APOO: variants seen among roughly 807,000 people sequenced by gnomAD.
APOO encodes the protein apolipoprotein O.
APOO carries 11 observed loss-of-function variants against 23.1 expected under a neutral mutation model. The observed-to-expected ratio is 0.48, with a 90% CI of 0.30 to 0.79. APOO has a LOEUF of 0.79. Ranked by LOEUF, APOO falls within the 30% of genes least tolerant of loss-of-function variation. APOO has a pLI of 0.07. For synonymous variants in APOO, 59 were observed against 54.8 expected (o/e 1.08, Z -0.34); for missense variants, 160 against 142.7 (o/e 1.12, Z -0.62).
chrX:23,879,158 G>A, intron 2 of APOO, 124 bp from the exon 3 acceptor site: 9 of 860,144 alleles, frequency 1.0e-5, no homozygotes, highest in Admixed American at 3.5e-5. Flanking sequence ...CTCTGTGGTC[G>A]GGTGTGGTGG....
intron 1 of APOO, 39 bp downstream of exon 1, chrX:23,907,655 G>A (rs1315836227): frequency 8.7e-7 from 1 of 1,148,546 alleles, no homozygotes; most frequent in Admixed American, 2.7e-5. Context: ...GCGGCCGGGA[G>A]GGGGCGGTGA....
chrX:23,907,573 T>C (rs1927421878), intron 1 of APOO, 121 bp downstream of exon 1: 6 of 767,258 alleles, frequency 7.8e-6, no homozygotes, highest in African/African-American at 2.2e-5. Flanking sequence ...GCCGGCCCAG[T>C]GGCGGGAAAA....
chrX:23,881,085 A>C (rs1926102143), intron 1 of APOO, 133 bp from the exon 2 acceptor site: 4 of 335,331 alleles, frequency 1.2e-5, no homozygotes, highest in Non-Finnish European at 1.9e-5. Flanking sequence ...ATTTATTTTT[A>C]TGTTTTCAAG....
intron 7 of APOO, chrX:23,840,858 T>C (rs1923935518): frequency 1.8e-5 from 2 of 111,783 alleles, no homozygotes; most frequent in African/African-American, 6.5e-5. Context: ...TAGGGGCCAA[T>C]CCACAAAACA....
At chrX:23,864,582 G>C (rs745543693) in intron 5 of APOO, among the ~76,000 whole-genome samples, 41 of 111,989 alleles carry the variant, frequency 3.7e-4, no homozygotes, top group Admixed American at 1.9e-4. Flanking sequence ...GATTACAGGT[G>C]TGAGCCACTG....
intron 4 of APOO, among the ~76,000 whole-genome samples, chrX:23,871,858 T>G (rs16982833): frequency 0.015 from 1,681 of 111,978 alleles, 30 homozygotes; most frequent in African/African-American, 0.051. Context: ...TCAGCAATTC[T>G]GTCCCCTAAG....
chrX:23,900,324 A>C (rs1351162991), intron 1 of APOO, among the ~76,000 whole-genome samples: 1 of 111,514 alleles, frequency 9.0e-6, no homozygotes, highest in Non-Finnish European at 1.9e-5. Context: ...TGTGAGATAC[A>C]GAGGGACATA....
chrX:23,892,486 T>C (rs1452809537), intron 1 of APOO, among the ~76,000 whole-genome samples: 1 of 110,405 alleles, frequency 9.1e-6, no homozygotes, highest in Non-Finnish European at 1.9e-5. Flanking sequence ...TCAAACTCCT[T>C]ACCTCAGGTG....
intron 1 of APOO, chrX:23,883,803 G>A (rs1250532635): frequency 8.9e-6 from 1 of 111,736 alleles, no homozygotes; most frequent in African/African-American, 3.2e-5. Context: ...CACTCCCCAC[G>A]ACCTGCCCAT....
chrX:23,841,077 G>A (rs1431309259), intron 7 of APOO, among the ~76,000 whole-genome samples: 1 of 112,079 alleles, frequency 8.9e-6, no homozygotes, highest in African/African-American at 3.2e-5. Flanking sequence ...GAGATCAGAT[G>A]GCAGTCTGAA....
chrX:23,881,563 T>TAAAAAAAAAAA (rs60466764), intron 1 of APOO, among the ~76,000 whole-genome samples: 1 of 9,174 alleles, frequency 1.1e-4, no homozygotes, highest in African/African-American at 5.9e-4. Flanking sequence ...ATCGCTCCAC[T>TAAAAAAAAAAA]AAAAAAAAAA....
At chrX:23,849,248 T>C (rs1459979245) in intron 7 of APOO, among the ~76,000 whole-genome samples, 2 of 108,729 alleles carry the variant, frequency 1.8e-5, no homozygotes, top group African/African-American at 3.3e-5. Flanking sequence ...AATATCACCA[T>C]TTCTATCCCC....
intron 1 of APOO, among the ~76,000 whole-genome samples, chrX:23,905,030 T>A (rs1394710816): frequency 9.0e-6 from 1 of 110,903 alleles, no homozygotes; most frequent in Non-Finnish European, 1.9e-5. Flanking sequence ...TGCCTACTCC[T>A]ACATTTTGGT....
In APOO at chrX:23,868,585, G is replaced by A; in HGVS notation, c.388+8C>T. 1 of 1,198,585 alleles carries A rather than the reference G, an allele frequency of 8.3e-7. No individual in the cohort carries two copies. The highest frequency in any genetic ancestry group is 1.8e-5 in the South Asian group (1 of 55,807). On this transcript the variant is annotated splice_region_variant and intron_variant, in intron 5 of 8. Coordinates refer to ENST00000379226, the MANE Select transcript of APOO (RefSeq NM_024122.5). Reference sequence around the variant, plus strand: ...AGCTGACTGTTAAAGCCATAAAATTGCACCTACCTCTAGCCAAAAGGAGTC... The same window carrying A: ...AGCTGACTGTTAAAGCCATAAAATTACACCTACCTCTAGCCAAAAGGAGTC...
chrX:23,879,028 G>C lies in APOO; in HGVS notation c.124C>G (p.Leu42Val). ...GATTGACCCTCAGGAACTGAGTAGAGTGAAAGCTGCGCACATTAAAACAAA... is the reference window on the plus strand; with the variant it reads ...GATTGACCCTCAGGAACTGAGTAGACTGAAAGCTGCGCACATTAAAACAAA... ...KNSVKVDELSLYSVPEGQSKY... is the reference protein window; with the variant it reads ...KNSVKVDELSVYSVPEGQSKY... Residue 42 changes from leucine (L) to valine (V), a missense_variant, in exon 3 of 9, where the codon CTC becomes GTC. By Grantham distance (32) the Leu-to-Val change is conservative. Transcript: ENST00000379226. The C allele has an allele frequency of 8.3e-7, 1 of 1,209,934 alleles. No homozygotes were observed. Among genetic ancestry groups the C allele is most frequent in the Non-Finnish European group, 1.1e-6 (1 of 894,072 alleles).
At chrX:23,857,404 A>C (rs760503805) in intron 6 of APOO, among the ~76,000 whole-genome samples, 1 of 111,558 alleles carries the variant, frequency 9.0e-6, no homozygotes, top group Admixed American at 9.6e-5. Context: ...CTAGGGCTGG[A>C]AGATGTTACT....
chrX:23,904,774 G>A (rs1410706687), intron 1 of APOO, among the ~76,000 whole-genome samples: 2 of 111,047 alleles, frequency 1.8e-5, no homozygotes, highest in Non-Finnish European at 3.8e-5. Flanking sequence ...CCGAAGTGCT[G>A]GGATTACAGG....
intron 4 of APOO, among the ~76,000 whole-genome samples, chrX:23,871,390 G>T (rs1375140820): frequency 9.2e-6 from 1 of 108,541 alleles, no homozygotes; most frequent in Non-Finnish European, 1.9e-5. Flanking sequence ...AATACTGGAT[G>T]AATTAACAAA....
At chrX:23,853,608 GTTTTTTTT>G (rs367944878) in intron 7 of APOO, among the ~76,000 whole-genome samples, 2 of 101,788 alleles carry the variant, frequency 2.0e-5, no homozygotes, top group African/African-American at 7.0e-5. Context: ...GAGCCCGACC[GTTTTTTTT>G]TTTTGTTTGT....
Sources: allele counts gnomAD v4.1 joint callset (sites outside exome capture counted in the v4.1 genomes callset), GRCh38; gene constraint gnomAD v4.1.1; transcripts MANE v1.5; gene names NCBI Gene and HGNC (gene_info 2026-07-23, HGNC 2026-07-21).